The following LRRC7 variants were observed in gnomAD, a reference collection of about 807,000 sequenced individuals.
LRRC7 encodes the protein leucine-rich repeat-containing protein 7.
Under a neutral mutation model 175.7 loss-of-function variants are expected in LRRC7, and 23 were observed. The ratio of observed to expected loss-of-function variants is 0.13; its 90% CI spans 0.09 to 0.19. The LOEUF is 0.19. Ranked by LOEUF, LRRC7 falls within the 10% of genes least tolerant of loss-of-function variation. LRRC7 has a pLI of 1.00. For synonymous variants in LRRC7, 685 were observed against 680.9 expected, an observed-to-expected ratio of 1.01 and a Z score of -0.09; for missense variants, 1,354 against 1,904.7, an observed-to-expected ratio of 0.71 and a Z score of 5.38.
At chr1:70,026,126 A>G (rs1469995180) in intron 17 of LRRC7, among the ~76,000 whole-genome samples, 1 of 152,170 alleles carries the variant, frequency 6.6e-6, no homozygotes, top group African/African-American at 2.4e-5. Context: ...ACATTATTCA[A>G]TGAAGTATTT....
At chr1:69,745,495 T>C (rs1054497959) in intron 2 of LRRC7, among the ~76,000 whole-genome samples, 1 of 151,922 alleles carries the variant, frequency 6.6e-6, no homozygotes, top group African/African-American at 2.4e-5. Flanking sequence ...TTAGGTTGTT[T>C]ACTAAGGCAA....
intron 4 of LRRC7, among the ~76,000 whole-genome samples, chr1:69,819,924 A>G (rs921235248): frequency 1.3e-5 from 2 of 152,032 alleles, no homozygotes; most frequent in Non-Finnish European, 2.9e-5. Flanking sequence ...CAGCCTACAT[A>G]AGTCCCTAAA....
intron 2 of LRRC7, among the ~76,000 whole-genome samples, chr1:69,709,321 A>C (rs916783469): frequency 1.2e-4 from 19 of 152,214 alleles, no homozygotes; most frequent in African/African-American, 4.6e-4. Flanking sequence ...TCACAAGATT[A>C]TATTTTTCCA....
intron 7 of LRRC7, among the ~76,000 whole-genome samples, chr1:69,905,569 T>C (rs922080097): frequency 7.2e-5 from 11 of 152,238 alleles, no homozygotes; most frequent in African/African-American, 1.9e-4. Context: ...CATCCATGTC[T>C]GTACAAAGGA....
intron 1 of LRRC7, among the ~76,000 whole-genome samples, chr1:69,675,383 A>G (rs920701272): frequency 6.6e-6 from 1 of 152,166 alleles, no homozygotes; most frequent in Non-Finnish European, 1.5e-5. Context: ...TTGTTTTCAC[A>G]TATTTGATAG....
In LRRC7 at chr1:69,906,051, G is replaced by T. The variant is rs564488121; in HGVS notation, c.648-25456G>T. Reference sequence around the variant, plus strand: ...TCATGTGTTTTTTGGCTGCATAAATGTCTTCTTTTCAGAAGTGTCTGTTCA... The same window carrying T: ...TCATGTGTTTTTTGGCTGCATAAATTTCTTCTTTTCAGAAGTGTCTGTTCA... On this transcript the variant is annotated intron_variant, in intron 7 of 26. Transcript: ENST00000651989. Among the ~76,000 whole-genome samples, 4 of 152,330 alleles carry T rather than the reference G, an allele frequency of 2.6e-5. No homozygotes were observed. The East Asian group carries it at 7.7e-4, about 29-fold the overall frequency.
intron 21 of LRRC7, among the ~76,000 whole-genome samples, chr1:70,041,142 G>T (rs144642043): frequency 6.6e-6 from 1 of 152,054 alleles, no homozygotes; most frequent in East Asian, 1.9e-4. Context: ...ATATACTATC[G>T]CATTGTCTCA....
At chr1:69,619,390 CA>C (rs113565473) in intron 1 of LRRC7, among the ~76,000 whole-genome samples, 19,525 of 152,120 alleles carry the variant, frequency 0.13, 1,596 homozygotes, top group South Asian at 0.19. Flanking sequence ...CGCTTACTGT[CA>C]AAACACCACC....
At chr1:69,738,379 C>T (rs1228140730) in intron 2 of LRRC7, among the ~76,000 whole-genome samples, 1 of 151,992 alleles carries the variant, frequency 6.6e-6, no homozygotes, top group Non-Finnish European at 1.5e-5. Context: ...TACTGATCTA[C>T]AACTAAGTAT....
At chr1:70,059,371 T>G (rs1225176634) in intron 23 of LRRC7, among the ~76,000 whole-genome samples, 1 of 152,144 alleles carries the variant, frequency 6.6e-6, no homozygotes, top group Non-Finnish European at 1.5e-5. Flanking sequence ...TGTGATTTTC[T>G]CACATCTACA....
Position 69,855,876 on chromosome 1 carries a change from G to T in LRRC7, c.647+17593G>T, listed in dbSNP as rs536621751. Among the ~76,000 whole-genome samples the T allele has an allele frequency of 1.6e-4, 24 of 152,180 alleles. No individual in the cohort carries two copies. The East Asian group carries it at 2.5e-3, about 16-fold the overall frequency. On this transcript the variant is annotated intron_variant, in intron 7 of 26. Coordinates refer to ENST00000651989, the MANE Select transcript of LRRC7 (RefSeq NM_001370785.2). The stretch of plus-strand genomic sequence containing the variant: ...TGTTGAATTGATCCCTATACCATTA[G>T]GTAATGGCCTTCTTTGTCTCTTTTG...
intron 8 of LRRC7, among the ~76,000 whole-genome samples, chr1:69,940,250 T>C (rs1648573501): frequency 6.6e-6 from 1 of 152,156 alleles, no homozygotes; most frequent in Non-Finnish European, 1.5e-5. Context: ...TCCACTGTCA[T>C]ACATTGAAGT....
rs1036187363 is a variant in LRRC7 at position 70,139,054 on chromosome 1, G to A, written c.*17167G>A. The A allele has an allele frequency of 1.3e-5, 2 of 152,122 alleles. No individual in the cohort carries two copies. The highest frequency in any genetic ancestry group is 2.9e-5 in the Non-Finnish European group (2 of 68,006). 9.4% of individuals were successfully genotyped at this position (152,122 alleles called of 1,614,324 possible). A position where few individuals can be genotyped will look rare whatever the true frequency, so the allele number is the denominator to read the frequency against. On this transcript the variant is annotated 3_prime_UTR_variant, in exon 27 of 27. Coordinates refer to ENST00000651989, the MANE Select transcript of LRRC7 (RefSeq NM_001370785.2). Reference sequence around the variant, plus strand: ...TGTAGCTTCAATTAGTCCTGCATCAGGTTATTCTAATGCTTCCTACTGCAA... The same window carrying A: ...TGTAGCTTCAATTAGTCCTGCATCAAGTTATTCTAATGCTTCCTACTGCAA...
At chr1:70,042,967 A>G (rs1660039400) in intron 21 of LRRC7, among the ~76,000 whole-genome samples, 1 of 152,058 alleles carries the variant, frequency 6.6e-6, no homozygotes, top group Admixed American at 6.6e-5. Flanking sequence ...TTTGGCTTAG[A>G]AAAAGTGTGC....
chr1:69,721,762 C>A lies in LRRC7; in HGVS notation c.101-38429C>A, dbSNP rs369175921. On this transcript the variant is annotated intron_variant, in intron 2 of 26. Coordinates refer to ENST00000651989, the MANE Select transcript of LRRC7 (RefSeq NM_001370785.2). The stretch of plus-strand genomic sequence containing the variant: ...AATTGAATCTATCATTATTTACTTA[C>A]ATTTCTCAAAGGATATATACATCCT... Among the ~76,000 whole-genome samples the A allele has an allele frequency of 3.1e-4, 47 of 151,904 alleles. 2 individuals are homozygous for A. The highest frequency in any genetic ancestry group is 1.1e-3 in the African/African-American group (47 of 41,500).
At chr1:69,838,087 A>T in intron 6 of LRRC7, 140 bp from the exon 7 acceptor site, 1 of 558,754 alleles carries the variant, frequency 1.8e-6, no homozygotes, top group Non-Finnish European at 3.2e-6. Flanking sequence ...GAAATATTCC[A>T]ATTCTACTTT....
In LRRC7 at chr1:69,977,598, T is replaced by C. The variant is rs150770585; in HGVS notation, c.712-2781T>C. On this transcript the variant is annotated intron_variant, in intron 8 of 26. Coordinates refer to ENST00000651989, the MANE Select transcript of LRRC7 (RefSeq NM_001370785.2). Reference sequence around the variant, plus strand: ...AAATAATCCACATCCTCCCTTTGTATTTCCCAGGCTTCCTTGTGCTAAGGG... The same window carrying C: ...AAATAATCCACATCCTCCCTTTGTACTTCCCAGGCTTCCTTGTGCTAAGGG... Among the ~76,000 whole-genome samples, 9 of 152,320 alleles carry C rather than the reference T, an allele frequency of 5.9e-5. No individual in the cohort carries two copies. In the East Asian group the frequency reaches 1.7e-3, roughly 29 times the overall value.
intron 1 of LRRC7, among the ~76,000 whole-genome samples, chr1:69,663,296 A>T (rs1275641271): frequency 6.6e-6 from 1 of 152,150 alleles, no homozygotes; most frequent in Non-Finnish European, 1.5e-5. Context: ...TCACATGGTT[A>T]TTTGGATTCA....
At chr1:69,605,080 T>G (rs1297748760) in intron 1 of LRRC7, among the ~76,000 whole-genome samples, 1 of 152,170 alleles carries the variant, frequency 6.6e-6, no homozygotes, top group Non-Finnish European at 1.5e-5. Flanking sequence ...AATCTCATCT[T>G]GAATTGTAGC....
Sources: gnomAD v4.1 joint callset for allele counts (sites outside exome capture counted in the v4.1 genomes callset) on GRCh38, gnomAD v4.1.1 for gene constraint, MANE v1.5 for transcripts, NCBI Gene and HGNC (gene_info 2026-07-23, HGNC 2026-07-21) for gene names.